RADX: variants seen among roughly 807,000 people sequenced by gnomAD.
The protein encoded by RADX is RPA-related protein RADX.
In RADX, 36 loss-of-function variants were observed where a neutral mutation model predicts 61.6. That is an observed-to-expected ratio of 0.58 (90% CI 0.45 to 0.77). The LOEUF is 0.77. RADX is among the 30% of genes least tolerant of loss of function. The pLI, the probability that RADX is intolerant of heterozygous loss-of-function variation, is 0.00. For missense variants in RADX, 497 were observed against 651.1 expected (o/e 0.76, Z 2.58); for synonymous variants, 272 against 237.9 (o/e 1.14, Z -1.32).
intron 8 of RADX, chrX:106,638,810 T>C (rs17253550): frequency 0.072 from 5,159 of 71,643 alleles, 105 homozygotes; most frequent in Non-Finnish European, 0.11. Context: ...TCAATTGCTA[T>C]GATGTTATAC....
intron 6 of RADX, among the ~76,000 whole-genome samples, chrX:106,633,817 T>G (rs1178856352): frequency 8.9e-6 from 1 of 111,907 alleles, no homozygotes; most frequent in Non-Finnish European, 1.9e-5. Flanking sequence ...TATAAAAGTA[T>G]TTTTTCCACT....
At chrX:106,640,344 A>G (rs915057559) in intron 9 of RADX, 2 of 317,278 alleles carry the variant, frequency 6.3e-6, no homozygotes, top group African/African-American at 5.5e-5. Context: ...AGATAGTAGT[A>G]TAAGAAGGAC....
chrX:106,618,118 C>T (rs1210988849), intron 1 of RADX, among the ~76,000 whole-genome samples: 1 of 110,265 alleles, frequency 9.1e-6, no homozygotes. Flanking sequence ...CAAAGAAGAC[C>T]CCAAAAAGCT....
At chrX:106,652,659 AAAT>A (rs1927822459) in intron 11 of RADX, among the ~76,000 whole-genome samples, 1 of 107,360 alleles carries the variant, frequency 9.3e-6, no homozygotes, top group Non-Finnish European at 1.9e-5. Flanking sequence ...ACTCCTCTTA[AAAT>A]AATAGAACAA....
chrX:106,614,896 G>A (rs1054400004), intron 1 of RADX, among the ~76,000 whole-genome samples: 4 of 110,718 alleles, frequency 3.6e-5, no homozygotes, highest in East Asian at 2.8e-4. Flanking sequence ...AAATTTTCAC[G>A]TACATATACC....
intron 12 of RADX, among the ~76,000 whole-genome samples, chrX:106,662,645 C>T (rs1928128826): frequency 9.5e-6 from 1 of 104,758 alleles, no homozygotes; most frequent in Non-Finnish European, 1.9e-5. Context: ...CTTCATTCAT[C>T]GGAACCACTG....
At position 106,661,999 on chromosome X, in the gene RADX, C is replaced by G; in HGVS notation, c.1979-16C>G. On this transcript the variant is annotated splice_polypyrimidine_tract_variant and intron_variant, in intron 11 of 13. Transcript: ENST00000372548. ...TTTATAGATCAATTGTGTCTATCTC[C>G]TTGTGTCTTTAACAGGTCGAGCAAA... The G allele has an allele frequency of 3.3e-6, 4 of 1,201,031 alleles. No homozygotes were observed. Among genetic ancestry groups the G allele is most frequent in the Non-Finnish European group, 4.5e-6 (4 of 888,659 alleles).
chrX:106,669,205 T>G lies in RADX; in HGVS notation c.2312T>G (p.Met771Arg). The G allele has an allele frequency of 2.5e-6, 3 of 1,203,513 alleles. No individual in the cohort carries two copies. Among genetic ancestry groups the G allele is most frequent in the Non-Finnish European group, 3.4e-6 (3 of 888,132 alleles). Residue 771 changes from methionine to arginine, a missense_variant, in exon 13 of 14, where the codon ATG becomes AGG. Physicochemically the swap from Met to Arg is moderately conservative, Grantham distance 91. This residue lies in a region of RADX where 267 missense variants were observed against 306.9 expected (regional missense o/e 0.87). Coordinates refer to ENST00000372548, the MANE Select transcript of RADX (RefSeq NM_018015.6). ...GCAATCGATGTTGCTTTCCTACCCATGTATTGTCCAGAAGATATTCGAACA... is the reference window on the plus strand; with the variant it reads ...GCAATCGATGTTGCTTTCCTACCCAGGTATTGTCCAGAAGATATTCGAACA... The part of the protein sequence containing the change: ...EIAIDVAFLP[M>R]YCPEDIRTSQ...
intron 1 of RADX, among the ~76,000 whole-genome samples, chrX:106,617,387 A>T (rs902147327): frequency 9.0e-6 from 1 of 111,111 alleles, no homozygotes; most frequent in Non-Finnish European, 1.9e-5. Flanking sequence ...TTTAAAGTTT[A>T]TTATTATACC....
rs141417734 is a variant in RADX at position 106,671,485 on chromosome X, C to T, written c.2437+2155C>T. ...TTGTTTCACTTAAGATAATGACCTCCAGTTCCACCCATGTTCCTGGAAAAG... is the reference window on the plus strand; with the variant it reads ...TTGTTTCACTTAAGATAATGACCTCTAGTTCCACCCATGTTCCTGGAAAAG... On this transcript the variant is annotated intron_variant, in intron 13 of 13. Coordinates refer to ENST00000372548, the MANE Select transcript of RADX (RefSeq NM_018015.6). Among the ~76,000 whole-genome samples, 759 of 111,896 alleles carry T rather than the reference C, an allele frequency of 6.8e-3. 4 individuals are homozygous for T. The highest frequency in any genetic ancestry group is 0.023 in the African/African-American group (721 of 30,861).
intron 11 of RADX, among the ~76,000 whole-genome samples, chrX:106,661,036 C>A (rs186960802): frequency 9.0e-6 from 1 of 111,256 alleles, no homozygotes; most frequent in Admixed American, 9.6e-5. Context: ...GGAACTATCT[C>A]ATTTTCATGA....
chrX:106,668,228 T>A (rs1268638796), intron 12 of RADX, among the ~76,000 whole-genome samples: 1 of 112,044 alleles, frequency 8.9e-6, no homozygotes, highest in Admixed American at 9.5e-5. Context: ...TGGCCCATAC[T>A]CAGTACTTAG....
intron 3 of RADX, among the ~76,000 whole-genome samples, chrX:106,627,094 T>C (rs939721452): frequency 2.7e-5 from 3 of 112,218 alleles, no homozygotes; most frequent in Admixed American, 9.5e-5. Context: ...AGCCTACATG[T>C]GTAAGTGGAT....
chrX:106,629,944 T>C (rs1022349484), intron 3 of RADX, among the ~76,000 whole-genome samples: 18 of 112,149 alleles, frequency 1.6e-4, no homozygotes, highest in African/African-American at 5.5e-4. Context: ...AGCATTTTAA[T>C]AGATACACAA....
chrX:106,629,205 T>C (rs764415622), intron 3 of RADX, among the ~76,000 whole-genome samples: 1 of 111,655 alleles, frequency 9.0e-6, no homozygotes, highest in East Asian at 2.8e-4. Flanking sequence ...GCAGGGGCTA[T>C]TTCTTTAATT....
intron 1 of RADX, among the ~76,000 whole-genome samples, chrX:106,618,301 A>C (rs1926860114): frequency 8.9e-6 from 1 of 111,904 alleles, no homozygotes; most frequent in Admixed American, 9.5e-5. Flanking sequence ...GAGTGTAATT[A>C]TTTAAAAAAT....
At chrX:106,649,453 A>G (rs1487753157) in intron 11 of RADX, among the ~76,000 whole-genome samples, 2 of 111,534 alleles carry the variant, frequency 1.8e-5, no homozygotes, top group Non-Finnish European at 3.8e-5. Context: ...TGGTGATTAA[A>G]CTTCATACAG....
At chrX:106,629,139 T>C in intron 3 of RADX, among the ~76,000 whole-genome samples, 1 of 111,880 alleles carries the variant, frequency 8.9e-6, no homozygotes, top group Non-Finnish European at 1.9e-5. Context: ...TTTCAGACTG[T>C]ATTACATAAT....
chrX:106,661,816 T>C (rs1426846090), intron 11 of RADX, among the ~76,000 whole-genome samples, 199 bp from the exon 12 acceptor site: 1 of 112,033 alleles, frequency 8.9e-6, no homozygotes, highest in Non-Finnish European at 1.9e-5. Flanking sequence ...CGGTAAAAGT[T>C]TATTTTGAAA....
Sources: allele counts gnomAD v4.1 joint callset (sites outside exome capture counted in the v4.1 genomes callset), GRCh38; gene constraint gnomAD v4.1.1; regional missense constraint gnomAD v4.1.1; transcripts MANE v1.5; gene names NCBI Gene and HGNC (gene_info 2026-07-23, HGNC 2026-07-21).